Variants in TMEM63C observed in about 807,000 individuals in gnomAD.
TMEM63C encodes the protein transmembrane protein 63C.
TMEM63C carries 32 observed loss-of-function variants against 99.2 expected under a neutral mutation model. That is an observed-to-expected ratio of 0.32 (90% CI 0.24 to 0.43). The LOEUF (loss-of-function observed/expected upper bound fraction) is 0.43, where lower values mean the gene tolerates loss of function less well. Ranked by LOEUF, TMEM63C falls within the 20% of genes least tolerant of loss-of-function variation. The pLI is 1.00. For synonymous variants in TMEM63C, 376 were observed against 397.9 expected (o/e 0.94, Z 0.66); for missense variants, 826 against 1,053.0 (o/e 0.78, Z 2.98).
chr14:77,251,763 C>T (rs748518379), intron 21 of TMEM63C, 26 bp from the exon 22 acceptor site: 2 of 1,594,724 alleles, frequency 1.3e-6, no homozygotes, highest in Non-Finnish European at 1.7e-6. Context: ...AGACTCCTGC[C>T]CATGACTTTT....
At chr14:77,191,538 C>CT (rs71125542) in intron 1 of TMEM63C, among the ~76,000 whole-genome samples, 25,258 of 81,642 alleles carry the variant, frequency 0.31, 4,487 homozygotes, top group East Asian at 0.41. Context: ...TTTTCTTTTT[C>CT]TTTTTTTTTT....
rs375553307 is a variant in TMEM63C, at chr14:77,248,879, C to A, written c.1870+7C>A. ...CCCATCATTGTGCCTTTTGGTGAGT[C>A]ATCTCCAAGGCATGCCCAAGGGCTG... On this transcript the variant is annotated splice_region_variant and intron_variant, in intron 20 of 23. Coordinates refer to ENST00000298351, the MANE Select transcript of TMEM63C (RefSeq NM_020431.4). 5.6e-6 allele frequency: 9 copies of A among 1,609,366 alleles called. No individual in the cohort carries two copies. Among genetic ancestry groups the A allele is most frequent in the Middle Eastern group, 1.6e-4 (1 of 6,076 alleles).
chr14:77,213,007 AAATAGATACTC>A (rs1441851414), intron 1 of TMEM63C, among the ~76,000 whole-genome samples: 2 of 152,262 alleles, frequency 1.3e-5, no homozygotes, highest in Non-Finnish European at 2.9e-5. Context: ...CTTCCAGGGG[AAATAGATACTC>A]AATGAATTCT....
intron 19 of TMEM63C, 103 bp downstream of exon 19, chr14:77,248,612 G>T: frequency 6.7e-7 from 1 of 1,496,790 alleles, no homozygotes; most frequent in Non-Finnish European, 9.1e-7. Flanking sequence ...TGGGAGGGAC[G>T]GTGTGGATGG....
chr14:77,183,127 CAAG>C (rs1237863738), intron 1 of TMEM63C, among the ~76,000 whole-genome samples: 2 of 152,102 alleles, frequency 1.3e-5, no homozygotes, highest in East Asian at 3.9e-4. Flanking sequence ...GAAACTGAGG[CAAG>C]GAGAGAGCGA....
At chr14:77,229,249 C>T (rs1357276098) in intron 6 of TMEM63C, among the ~76,000 whole-genome samples, 2 of 151,600 alleles carry the variant, frequency 1.3e-5, no homozygotes, top group Non-Finnish European at 2.9e-5. Context: ...ACTAAAAATA[C>T]AAAAATTTGG....
At chr14:77,233,903 A>C (rs1888990233) in intron 8 of TMEM63C, among the ~76,000 whole-genome samples, 1 of 152,202 alleles carries the variant, frequency 6.6e-6, no homozygotes, top group Admixed American at 6.5e-5. Flanking sequence ...AGTCCCCCTC[A>C]GAGTCCCACA....
chr14:77,187,763 C>A (rs1888028510), intron 1 of TMEM63C, among the ~76,000 whole-genome samples: 1 of 152,198 alleles, frequency 6.6e-6, no homozygotes, highest in Non-Finnish European at 1.5e-5. Flanking sequence ...TCTGACCCAG[C>A]CCTATCCCAG....
intron 21 of TMEM63C, 51 bp from the exon 22 acceptor site, chr14:77,251,738 G>A: frequency 1.4e-6 from 2 of 1,471,420 alleles, no homozygotes; most frequent in South Asian, 1.1e-5. Flanking sequence ...CAGTTGGGGT[G>A]GCATCTCGGC....
At chr14:77,223,303 G>A (rs150117995) in intron 5 of TMEM63C, among the ~76,000 whole-genome samples, 13 of 152,258 alleles carry the variant, frequency 8.5e-5, no homozygotes, top group Middle Eastern at 3.4e-3. Context: ...TGAAGAGGGC[G>A]TAAATTAAAT....
At position 77,246,973 on chromosome 14, in the gene TMEM63C, A is replaced by G. The variant is rs907073743; in HGVS notation, c.1601+299A>G. ...TGAGCCCTTTATCCAGTTTCCCCCA[A>G]TGGAAGCACTGTGCATAACTATAGT... is the stretch of plus-strand genomic sequence containing the variant. On this transcript the variant is annotated intron_variant, in intron 18 of 23. Coordinates refer to ENST00000298351, the MANE Select transcript of TMEM63C (RefSeq NM_020431.4). Among the ~76,000 whole-genome samples, 6 of 152,160 alleles carry G rather than the reference A, an allele frequency of 3.9e-5. No homozygotes were observed. The South Asian group carries it at 1.0e-3, about 26-fold the overall frequency.
chr14:77,204,086 C>G (rs1404463404), intron 1 of TMEM63C, among the ~76,000 whole-genome samples: 1 of 152,260 alleles, frequency 6.6e-6, no homozygotes, highest in Non-Finnish European at 1.5e-5. Context: ...AGGAGCTGAG[C>G]TGAGCCATTG....
intron 1 of TMEM63C, among the ~76,000 whole-genome samples, chr14:77,202,375 T>G (rs751976760): frequency 8.6e-5 from 13 of 151,924 alleles, no homozygotes; most frequent in Non-Finnish European, 1.5e-4. Context: ...CTGTATTGGC[T>G]TCCCAGGGCC....
intron 1 of TMEM63C, among the ~76,000 whole-genome samples, chr14:77,183,430 G>A (rs770137953): frequency 1.8e-4 from 28 of 152,260 alleles, no homozygotes; most frequent in Non-Finnish European, 3.4e-4. Flanking sequence ...GCTTGAAGAC[G>A]GGAAGTGAAG....
chr14:77,202,486 C>G (rs74733398), intron 1 of TMEM63C, among the ~76,000 whole-genome samples: 10 of 152,300 alleles, frequency 6.6e-5, no homozygotes, highest in African/African-American at 2.2e-4. Flanking sequence ...TCAGCAGGGC[C>G]GTGCTCCCTC....
rs78396636 is a variant in TMEM63C at position 77,185,108 on chromosome 14, G to A, written c.-77+3214G>A. On this transcript the variant is annotated intron_variant, in intron 1 of 23. Transcript: ENST00000298351. Reference sequence around the variant, plus strand: ...TAGTAATGCTCCCCAAAGGGAAACCGAAGCATAGACCTGCTTAGAAAGCTA... The same window carrying A: ...TAGTAATGCTCCCCAAAGGGAAACCAAAGCATAGACCTGCTTAGAAAGCTA... Among the ~76,000 whole-genome samples the A allele has an allele frequency of 1.4e-4, 21 of 152,326 alleles. No individual in the cohort carries two copies. In the East Asian group the frequency reaches 2.1e-3, roughly 15 times the overall value.
chr14:77,206,891 A>AC (rs1888412033), intron 1 of TMEM63C, among the ~76,000 whole-genome samples: 1 of 127,894 alleles, frequency 7.8e-6, no homozygotes, highest in African/African-American at 4.6e-5. Flanking sequence ...TTTTTCTTTT[A>AC]TTTTTTTTTA....
In TMEM63C at chr14:77,186,801, C is replaced by CTCTGTGTG. The variant is rs1888005237; in HGVS notation, c.-77+4908_-77+4909insCTGTGTGT. On this transcript the variant is annotated intron_variant, in intron 1 of 23. Transcript: ENST00000298351. ...GGTGTGTGTGTGTGTGTGTGTGTGT[C>CTCTGTGTG]TGTGTGTGTGTGTGTGTGTCTGTGT... Among the ~76,000 whole-genome samples, 8 of 146,484 alleles carry CTCTGTGTG rather than the reference C, an allele frequency of 5.5e-5. No homozygotes were observed. The East Asian group carries it at 1.6e-3, about 30-fold the overall frequency.
At chr14:77,197,314 C>A (rs1263743810) in intron 1 of TMEM63C, among the ~76,000 whole-genome samples, 1 of 152,220 alleles carries the variant, frequency 6.6e-6, no homozygotes, top group Non-Finnish European at 1.5e-5. Context: ...CTTGGGAGAG[C>A]CCTCCAGGGC....
Sources: gnomAD v4.1 joint callset for allele counts (sites outside exome capture counted in the v4.1 genomes callset) on GRCh38, gnomAD v4.1.1 for gene constraint, MANE v1.5 for transcripts, NCBI Gene and HGNC (gene_info 2026-07-23, HGNC 2026-07-21) for gene names.